Variants in WDPCP observed in about 807,000 individuals in gnomAD.
WDPCP encodes WD repeat-containing and planar cell polarity effector protein fritz homolog.
A neutral mutation model predicts 93.1 loss-of-function variants in WDPCP; 71 were observed. That is an observed-to-expected ratio of 0.76 (90% confidence interval 0.63 to 0.93). The LOEUF is 0.93. WDPCP is among the 40% of genes least tolerant of loss of function. The probability of loss-of-function intolerance (pLI) is 0.00; values close to 1 mark genes in which losing one functional copy is unlikely to be tolerated. For synonymous variants in WDPCP, 315 were observed against 315.0 expected (o/e 1.00, Z 0.00); for missense variants, 844 against 887.4 (o/e 0.95, Z 0.62).
chr2:63,199,693 G>A (rs903639672), intron 14 of WDPCP, among the ~76,000 whole-genome samples: 1 of 152,240 alleles, frequency 6.6e-6, no homozygotes, highest in Non-Finnish European at 1.5e-5. Flanking sequence ...GGACCCTCAT[G>A]GAGAACTTCT....
chr2:63,567,011 G>A (rs969954817), intron 1 of WDPCP, among the ~76,000 whole-genome samples: 3 of 152,166 alleles, frequency 2.0e-5, no homozygotes, highest in Admixed American at 6.5e-5. Context: ...AGTTGAGGTC[G>A]GGGGTGGTGT....
At chr2:63,135,762 C>G (rs1026176446) in intron 17 of WDPCP, among the ~76,000 whole-genome samples, 1 of 150,482 alleles carries the variant, frequency 6.6e-6, no homozygotes, top group African/African-American at 2.4e-5. Flanking sequence ...GACAGGGTCT[C>G]ACTCTGTCAT....
intron 12 of WDPCP, among the ~76,000 whole-genome samples, chr2:63,373,573 A>T (rs1575260906): frequency 6.8e-6 from 1 of 148,124 alleles, no homozygotes; most frequent in African/African-American, 2.5e-5. Flanking sequence ...TCTGTTTTAG[A>T]TGTCTTTAAA....
At chr2:63,180,824 T>C (rs375761826) in intron 14 of WDPCP, among the ~76,000 whole-genome samples, 46 of 152,266 alleles carry the variant, frequency 3.0e-4, no homozygotes, top group African/African-American at 9.9e-4. Context: ...CCATTTTCTC[T>C]GCATCCTTAC....
At chr2:63,212,058 C>A (rs568215748) in intron 14 of WDPCP, among the ~76,000 whole-genome samples, 1 of 152,266 alleles carries the variant, frequency 6.6e-6, no homozygotes, top group South Asian at 2.1e-4. Context: ...AGGATATTAT[C>A]AAAGAGAACT....
intron 2 of WDPCP, among the ~76,000 whole-genome samples, chr2:63,715,331 C>T (rs1275101656): frequency 6.6e-6 from 1 of 152,190 alleles, no homozygotes; most frequent in African/African-American, 2.4e-5. Context: ...CAAAACAGCA[C>T]TTTGTTCAAT....
chr2:63,780,106 A>G (rs1670364977), intron 2 of WDPCP, among the ~76,000 whole-genome samples: 1 of 152,154 alleles, frequency 6.6e-6, no homozygotes, highest in Non-Finnish European at 1.5e-5. Context: ...GTAAACTCCC[A>G]GCAATCTAGG....
At chr2:63,622,584 T>G in intron 3 of WDPCP, 1 of 1,613,720 alleles carries the variant, frequency 6.2e-7, no homozygotes, top group South Asian at 1.1e-5. Context: ...CACAATAGAG[T>G]CCTCCAGGAT....
chr2:63,352,321 T>C (rs980657733), intron 12 of WDPCP, among the ~76,000 whole-genome samples: 2 of 152,142 alleles, frequency 1.3e-5, no homozygotes, highest in African/African-American at 2.4e-5. Context: ...TGAAAATGTT[T>C]TTAAAAAGTG....
chr2:63,259,343 T>TA lies in WDPCP; in HGVS notation c.1878dup (p.Ser627Ter). ...GTTATTGATTCTGCATCAATGTCAC[T>TA]AGCTCTTTTTCTTGCCACTTCAGCT... On this transcript the variant is annotated frameshift_variant, in exon 14 of 18. Coordinates refer to ENST00000272321, the MANE Select transcript of WDPCP (RefSeq NM_015910.7). LOFTEE classifies it high-confidence loss of function. The TA allele has an allele frequency of 6.2e-7, 1 of 1,612,866 alleles. No individual in the cohort carries two copies. Among genetic ancestry groups the TA allele is most frequent in the African/African-American group, 1.3e-5 (1 of 75,014 alleles).
intron 14 of WDPCP, among the ~76,000 whole-genome samples, chr2:63,236,398 C>T (rs1679395532): frequency 6.6e-6 from 1 of 152,124 alleles, no homozygotes; most frequent in East Asian, 1.9e-4. Flanking sequence ...AATGTCCATA[C>T]CACCCAAAGC....
chr2:63,525,787 G>A (rs1318824457), intron 1 of WDPCP, among the ~76,000 whole-genome samples: 9 of 152,130 alleles, frequency 5.9e-5, no homozygotes, highest in African/African-American at 1.7e-4. Context: ...TGAGGGCACC[G>A]TAACTGCAAA....
In WDPCP at chr2:63,599,087, T is replaced by G. The variant is rs1709372874; in HGVS notation, n.488+51572A>C. 3 of 1,432,430 alleles carry G rather than the reference T, an allele frequency of 2.1e-6. No individual in the cohort carries two copies. In the Admixed American group the frequency reaches 5.9e-5, roughly 28 times the overall value. 88.7% of individuals were successfully genotyped at this position (1,432,430 alleles called of 1,614,324 possible). ...CCTCCCCTGTACAAAGGCTACCTGT[T>G]AGACATTTTCAGTCAAATTTTAACA... is the stretch of plus-strand genomic sequence containing the variant. On this transcript the variant is annotated intron_variant and non_coding_transcript_variant, in intron 3 of 4. Transcript: ENST00000467687.
intron 13 of WDPCP, among the ~76,000 whole-genome samples, chr2:63,311,981 G>C (rs1430262773): frequency 6.6e-6 from 1 of 152,040 alleles, no homozygotes; most frequent in African/African-American, 2.4e-5. Flanking sequence ...AAGGTGAAAA[G>C]GTGGAGATAA....
intron 3 of WDPCP, among the ~76,000 whole-genome samples, chr2:63,639,894 G>A (rs1160195559): frequency 6.6e-6 from 1 of 152,226 alleles, no homozygotes; most frequent in Non-Finnish European, 1.5e-5. Context: ...AAACATTATG[G>A]AAACAATACT....
chr2:63,433,670 A>G (rs1254401718), intron 9 of WDPCP, 75 bp downstream of exon 9: 1 of 1,347,948 alleles, frequency 7.4e-7, no homozygotes, highest in Non-Finnish European at 1.0e-6. Context: ...ATTCACATTT[A>G]TTTCAGAATA....
At chr2:63,542,346 C>T (rs138967587) in intron 1 of WDPCP, among the ~76,000 whole-genome samples, 1 of 152,070 alleles carries the variant, frequency 6.6e-6, no homozygotes, top group Non-Finnish European at 1.5e-5. Flanking sequence ...AGAACAAACA[C>T]TGCAGCTGCA....
chr2:63,593,001 A>G (rs1709228418), upstream of WDPCP: 1 of 152,194 alleles, frequency 6.6e-6, no homozygotes, highest in African/African-American at 2.4e-5. Flanking sequence ...TTCTATAAAT[A>G]GTAATAAATT....
chr2:63,655,841 C>A (rs1422339311), intron 2 of WDPCP, among the ~76,000 whole-genome samples: 1 of 152,176 alleles, frequency 6.6e-6, no homozygotes, highest in African/African-American at 2.4e-5. Context: ...TCTTTCCTTA[C>A]AGTTGTACAG....
Sources: gnomAD v4.1 joint callset for allele counts (sites outside exome capture counted in the v4.1 genomes callset) on GRCh38, gnomAD v4.1.1 for gene constraint, MANE v1.5 for transcripts, NCBI Gene and HGNC (gene_info 2026-07-23, HGNC 2026-07-21) for gene names.